VTI1A: variants seen among roughly 807,000 people sequenced by gnomAD.
VTI1A encodes the protein vesicle transport through interaction with t-SNAREs homolog 1A.
Under a neutral mutation model 34.9 loss-of-function variants are expected in VTI1A, and 22 were observed. The observed-to-expected ratio is 0.63, with a 90% CI of 0.45 to 0.90. VTI1A has a LOEUF of 0.90. VTI1A is among the 40% of genes least tolerant of loss of function. The probability of loss-of-function intolerance (pLI) is 0.00; values close to 1 mark genes in which losing one functional copy is unlikely to be tolerated. For synonymous variants in VTI1A, 87 were observed against 97.3 expected (o/e 0.89, Z 0.62); for missense variants, 268 against 275.6 (o/e 0.97, Z 0.20).
intron 5 of VTI1A, among the ~76,000 whole-genome samples, chr10:112,655,482 G>C (rs1243399376): frequency 6.6e-6 from 1 of 151,890 alleles, no homozygotes; most frequent in Non-Finnish European, 1.5e-5. Flanking sequence ...AAACATGTTG[G>C]ATTGCATAGC....
chr10:112,588,146 C>G (rs1242771005), intron 5 of VTI1A, among the ~76,000 whole-genome samples: 1 of 152,116 alleles, frequency 6.6e-6, no homozygotes, highest in Non-Finnish European at 1.5e-5. Flanking sequence ...TGTTCAGCTT[C>G]TCTACATTGA....
intron 7 of VTI1A, among the ~76,000 whole-genome samples, chr10:112,678,829 G>T (rs887718477): frequency 2.0e-5 from 3 of 152,124 alleles, no homozygotes; most frequent in Non-Finnish European, 4.4e-5. Flanking sequence ...ACAAGGCAAG[G>T]CTTATCTGCA....
At position 112,553,106 on chromosome 10, in the gene VTI1A, A is replaced by C. The variant is rs78978911; in HGVS notation, c.427+14776A>C. 3.3e-3 allele frequency among the ~76,000 whole-genome samples: 499 copies of C among 152,378 alleles called. 2 individuals are homozygous for C. Among genetic ancestry groups the C allele is most frequent in the African/African-American group, 0.011 (476 of 41,584 alleles). On this transcript the variant is annotated intron_variant, in intron 5 of 7. Transcript: ENST00000393077. ...TCTACATAAAAAGTAGGGAGAACAC[A>C]CGTGCAATTTCTGTTCTCCTTTGAG...
chr10:112,811,041 G>A (rs1227918803), intron 7 of VTI1A, among the ~76,000 whole-genome samples: 3 of 152,184 alleles, frequency 2.0e-5, no homozygotes, highest in East Asian at 1.9e-4. Flanking sequence ...CAGATGCCTC[G>A]TCTTGTCTGA....
chr10:112,633,334 T>C (rs1846211605), intron 5 of VTI1A, among the ~76,000 whole-genome samples: 1 of 152,194 alleles, frequency 6.6e-6, no homozygotes, highest in African/African-American at 2.4e-5. Context: ...GCTAAAACCC[T>C]GTAGGTTGAT....
chr10:112,690,983 A>G (rs1848591623), intron 7 of VTI1A, among the ~76,000 whole-genome samples: 1 of 152,166 alleles, frequency 6.6e-6, no homozygotes, highest in Non-Finnish European at 1.5e-5. Flanking sequence ...TTAAAGTCCC[A>G]TAGTTCGATC....
Position 112,814,883 on chromosome 10 carries a change from G to A in VTI1A, c.561-407G>A, listed in dbSNP as rs553730592. ...TACATTGCTGACATGTGTTTCCTTG[G>A]AGTATTTTACTTTAACAGGAAACAC... On this transcript the variant is annotated intron_variant, in intron 7 of 7. Transcript: ENST00000393077. Among the ~76,000 whole-genome samples the A allele has an allele frequency of 4.6e-5, 7 of 152,078 alleles. No individual in the cohort carries two copies. The Middle Eastern group carries it at 0.017, about 372-fold the overall frequency.
At chr10:112,696,093 A>AC (rs1564887818) in intron 7 of VTI1A, among the ~76,000 whole-genome samples, 2 of 118,760 alleles carry the variant, frequency 1.7e-5, no homozygotes, top group African/African-American at 1.1e-4. Flanking sequence ...AGAGAGAATG[A>AC]TTATATATAT....
At chr10:112,686,824 G>A (rs556077367) in intron 7 of VTI1A, among the ~76,000 whole-genome samples, 28 of 152,182 alleles carry the variant, frequency 1.8e-4, no homozygotes, top group African/African-American at 4.8e-4. Flanking sequence ...CACTGGTTTC[G>A]TGGTGTTTTT....
At chr10:112,593,694 G>T (rs898747863) in intron 5 of VTI1A, among the ~76,000 whole-genome samples, 1 of 152,140 alleles carries the variant, frequency 6.6e-6, no homozygotes, top group Admixed American at 6.5e-5. Flanking sequence ...CTGTGTATGT[G>T]TGAACTCGTT....
chr10:112,825,584 A>G, the VTI1A span: 7,418 of 152,322 alleles, frequency 0.049, 484 homozygotes, highest in African/African-American at 0.15. Flanking sequence ...CTAGGCCTGG[A>G]GCACAACATG....
At chr10:112,778,112 A>G (rs1326511768) in intron 7 of VTI1A, among the ~76,000 whole-genome samples, 1 of 142,976 alleles carries the variant, frequency 7.0e-6, no homozygotes, top group Non-Finnish European at 1.5e-5. Flanking sequence ...CAAAAAAAGG[A>G]AAAAAAAAAG....
intron 7 of VTI1A, among the ~76,000 whole-genome samples, chr10:112,783,990 G>A (rs561019940): frequency 2.0e-5 from 3 of 152,306 alleles, no homozygotes; most frequent in African/African-American, 7.2e-5. Context: ...GAAATAAAAG[G>A]CAGACCAACC....
At chr10:112,599,698 A>G (rs564865364) in intron 5 of VTI1A, among the ~76,000 whole-genome samples, 1 of 151,958 alleles carries the variant, frequency 6.6e-6, no homozygotes, top group African/African-American at 2.4e-5. Context: ...TCCTGCCTCA[A>G]ATTTCTGAGT....
chr10:112,662,225 G>C (rs765526782), intron 5 of VTI1A, among the ~76,000 whole-genome samples: 14 of 152,130 alleles, frequency 9.2e-5, no homozygotes, highest in Non-Finnish European at 1.9e-4. Context: ...TTGACTGTTA[G>C]TTCTTCAGAT....
chr10:112,782,512 A>C (rs1852163192), intron 7 of VTI1A, among the ~76,000 whole-genome samples: 1 of 152,212 alleles, frequency 6.6e-6, no homozygotes, highest in African/African-American at 2.4e-5. Context: ...GTCGCGGCAT[A>C]TTAGTGAAGT....
chr10:112,618,518 T>TAGAGAGAGAGAGAGAGAGAG (rs1229141246), intron 5 of VTI1A, among the ~76,000 whole-genome samples: 22 of 47,456 alleles, frequency 4.6e-4, no homozygotes, highest in African/African-American at 1.6e-3. Flanking sequence ...TATATATATA[T>TAGAGAGAGAGAGAGAGAGAG]ATATATAGAG....
intron 7 of VTI1A, among the ~76,000 whole-genome samples, chr10:112,780,721 A>G (rs552618890): frequency 1.2e-4 from 18 of 152,290 alleles, no homozygotes; most frequent in African/African-American, 4.3e-4. Flanking sequence ...TCTCAAAGCC[A>G]CATGGCTGAT....
chr10:112,475,373 C>G (rs960903333), intron 3 of VTI1A, among the ~76,000 whole-genome samples: 6 of 152,194 alleles, frequency 3.9e-5, no homozygotes, highest in Admixed American at 3.9e-4. Flanking sequence ...CATGTAAATT[C>G]TTTTTAAGTT....
Sources: allele counts gnomAD v4.1 joint callset (sites outside exome capture counted in the v4.1 genomes callset), GRCh38; gene constraint gnomAD v4.1.1; transcripts MANE v1.5; gene names NCBI Gene and HGNC (gene_info 2026-07-23, HGNC 2026-07-21).